Variants in CNTNAP2 observed in about 807,000 individuals in gnomAD.
The protein encoded by CNTNAP2 is contactin-associated protein-like 2.
In CNTNAP2, 98 loss-of-function variants were observed where a neutral mutation model predicts 155.2. The observed-to-expected ratio is 0.63, with a 90% CI of 0.54 to 0.75. The LOEUF (loss-of-function observed/expected upper bound fraction) is 0.75. CNTNAP2 is among the 30% of genes least tolerant of loss of function. CNTNAP2 has a pLI of 0.00. For missense variants in CNTNAP2, 1,727 were observed against 1,688.1 expected (o/e 1.02, Z -0.40); for synonymous variants, 651 against 631.2 (o/e 1.03, Z -0.47).
At chr7:147,160,504 C>A (rs1243589778) in intron 8 of CNTNAP2, among the ~76,000 whole-genome samples, 1 of 152,042 alleles carries the variant, frequency 6.6e-6, no homozygotes, top group Non-Finnish European at 1.5e-5. Flanking sequence ...TTAATTACAA[C>A]CCCCTCCTTT....
intron 3 of CNTNAP2, among the ~76,000 whole-genome samples, chr7:146,941,184 C>T (rs914170753): frequency 6.6e-6 from 1 of 151,964 alleles, no homozygotes; most frequent in South Asian, 2.1e-4. Context: ...AAGATTCTTT[C>T]TTCTTCTCTT....
At chr7:146,877,642 T>C (rs1795457064) in intron 3 of CNTNAP2, among the ~76,000 whole-genome samples, 2 of 151,830 alleles carry the variant, frequency 1.3e-5, no homozygotes, top group African/African-American at 4.8e-5. Context: ...TATGTGTGTA[T>C]ATATGTGTAT....
At chr7:146,914,872 T>C (rs1055054612) in intron 3 of CNTNAP2, among the ~76,000 whole-genome samples, 1 of 152,106 alleles carries the variant, frequency 6.6e-6, no homozygotes, top group Non-Finnish European at 1.5e-5. Context: ...TTTTGGGTTC[T>C]TGGTCATGAA....
At chr7:146,282,379 T>C (rs1365282480) in intron 1 of CNTNAP2, among the ~76,000 whole-genome samples, 1 of 152,234 alleles carries the variant, frequency 6.6e-6, no homozygotes, top group Non-Finnish European at 1.5e-5. Flanking sequence ...TCTGTGACCT[T>C]GTCTGTCTCT....
intron 9 of CNTNAP2, among the ~76,000 whole-genome samples, chr7:147,340,266 A>G (rs913595371): frequency 2.6e-5 from 4 of 152,148 alleles, no homozygotes; most frequent in African/African-American, 7.2e-5. Context: ...CTCACATGCA[A>G]CAAGGTTGTT....
chr7:147,886,013 G>A (rs780142535), intron 13 of CNTNAP2, among the ~76,000 whole-genome samples: 17 of 152,156 alleles, frequency 1.1e-4, no homozygotes, highest in Non-Finnish European at 2.2e-4. Flanking sequence ...TTCAAATCAC[G>A]TTGCCTAGAC....
intron 20 of CNTNAP2, among the ~76,000 whole-genome samples, chr7:148,230,246 A>T (rs962291583): frequency 6.6e-6 from 1 of 152,198 alleles, no homozygotes; most frequent in African/African-American, 2.4e-5. Flanking sequence ...TCCTCAAAAC[A>T]GTCTTTCCCC....
chr7:147,812,921 T>C (rs947019817), intron 13 of CNTNAP2, among the ~76,000 whole-genome samples: 3 of 152,126 alleles, frequency 2.0e-5, no homozygotes, highest in African/African-American at 4.8e-5. Context: ...AAGAGATCTG[T>C]GTCAAGGAAT....
intron 1 of CNTNAP2, among the ~76,000 whole-genome samples, chr7:146,741,985 C>T (rs959304750): frequency 6.6e-6 from 1 of 151,578 alleles, no homozygotes; most frequent in African/African-American, 2.4e-5. Context: ...TGCTGTTTTT[C>T]AAGCCATATA....
At chr7:148,168,805 A>G (rs943288527) in intron 17 of CNTNAP2, among the ~76,000 whole-genome samples, 2 of 152,230 alleles carry the variant, frequency 1.3e-5, no homozygotes, top group African/African-American at 4.8e-5. Flanking sequence ...TGAAATACCA[A>G]TTGTTTCCAA....
At chr7:147,313,059 T>A (rs1795154729) in intron 9 of CNTNAP2, among the ~76,000 whole-genome samples, 1 of 128,696 alleles carries the variant, frequency 7.8e-6, no homozygotes, top group African/African-American at 3.3e-5. Context: ...ATAAATGTCT[T>A]CTTTTGAGAA....
intron 1 of CNTNAP2, among the ~76,000 whole-genome samples, chr7:146,665,839 T>C (rs1800184931): frequency 6.7e-6 from 1 of 149,254 alleles, no homozygotes; most frequent in South Asian, 2.1e-4. Context: ...TTTATAACAC[T>C]TTTAAAATTA....
At chr7:146,831,406 T>C (rs953607480) in intron 2 of CNTNAP2, among the ~76,000 whole-genome samples, 1 of 151,864 alleles carries the variant, frequency 6.6e-6, no homozygotes, top group African/African-American at 2.4e-5. Flanking sequence ...AGGCCAGGCG[T>C]GGTGGCTCAG....
chr7:147,126,264 T>A (rs896976900), intron 6 of CNTNAP2, among the ~76,000 whole-genome samples: 2 of 152,202 alleles, frequency 1.3e-5, no homozygotes, highest in Non-Finnish European at 2.9e-5. Flanking sequence ...TGTGTACACT[T>A]GAAAGCTAAC....
intron 11 of CNTNAP2, among the ~76,000 whole-genome samples, chr7:147,557,711 A>C (rs1323554806): frequency 6.6e-6 from 1 of 152,240 alleles, no homozygotes; most frequent in Non-Finnish European, 1.5e-5. Context: ...GCATAAAAAA[A>C]TGAAATATAC....
intron 13 of CNTNAP2, among the ~76,000 whole-genome samples, chr7:147,857,930 C>T (rs982097013): frequency 3.9e-5 from 6 of 152,190 alleles, no homozygotes; most frequent in Admixed American, 6.5e-5. Flanking sequence ...TATCAATTCC[C>T]TTCAGAGACT....
intron 13 of CNTNAP2, among the ~76,000 whole-genome samples, chr7:147,667,156 A>G (rs774023495): frequency 2.0e-5 from 3 of 152,218 alleles, no homozygotes; most frequent in Admixed American, 6.5e-5. Context: ...TCATTACGTT[A>G]TGTGAAAGTA....
intron 1 of CNTNAP2, among the ~76,000 whole-genome samples, chr7:146,322,286 C>T (rs1801017588): frequency 6.6e-6 from 1 of 152,108 alleles, no homozygotes; most frequent in South Asian, 2.1e-4. Flanking sequence ...GCCTGCTTCA[C>T]AGTAAAGAAT....
chr7:147,603,917 G>T (rs1024452292), intron 12 of CNTNAP2, among the ~76,000 whole-genome samples: 8 of 151,610 alleles, frequency 5.3e-5, no homozygotes, highest in Non-Finnish European at 1.0e-4. Context: ...AAATAACGCC[G>T]CATATCTACA....
Sources: allele counts gnomAD v4.1 joint callset (sites outside exome capture counted in the v4.1 genomes callset), GRCh38; gene constraint gnomAD v4.1.1; transcripts MANE v1.5; gene names NCBI Gene and HGNC (gene_info 2026-07-23, HGNC 2026-07-21).